MARK1: variants seen among roughly 807,000 people sequenced by gnomAD.
MARK1 encodes microtubule affinity regulating kinase 1.
MARK1 carries 40 observed loss-of-function variants against 96.3 expected under a neutral mutation model. The ratio of observed to expected loss-of-function variants is 0.42; its 90% CI spans 0.32 to 0.54. The LOEUF (loss-of-function observed/expected upper bound fraction) is 0.54, where lower values mean the gene tolerates loss of function less well. Among genes scored for constraint, MARK1 ranks in the 20% least tolerant of loss-of-function variants. The pLI, the probability that MARK1 is intolerant of heterozygous loss-of-function variation, is 0.16. For synonymous variants in MARK1, 317 were observed against 341.2 expected, an observed-to-expected ratio of 0.93 and a Z score of 0.78; for missense variants, 719 against 984.6, an observed-to-expected ratio of 0.73 and a Z score of 3.61.
chr1:220,604,521 G>C (rs571585375), intron 6 of MARK1, among the ~76,000 whole-genome samples: 1 of 151,914 alleles, frequency 6.6e-6, no homozygotes, highest in South Asian at 2.1e-4. Context: ...TGTTTAAAGA[G>C]TTTATTGTAT....
rs1218977744 is a variant in MARK1 at position 220,577,198 on chromosome 1, T to C, written c.52-2156T>C. 6.6e-5 allele frequency among the ~76,000 whole-genome samples: 10 copies of C among 152,188 alleles called. 1 individual carries two copies. In the East Asian group the frequency reaches 1.6e-3, roughly 24 times the overall value. On this transcript the variant is annotated intron_variant, in intron 1 of 17. Coordinates refer to ENST00000366917, the MANE Select transcript of MARK1 (RefSeq NM_018650.5). Reference sequence around the variant, plus strand: ...CAAGAGGCTGAAGTGGGAAGATCACTTGAGGCTGCAGTGAGCAGTGATCGT... The same window carrying C: ...CAAGAGGCTGAAGTGGGAAGATCACCTGAGGCTGCAGTGAGCAGTGATCGT...
At position 220,584,727 on chromosome 1, in the gene MARK1, A is replaced by C. The variant is rs1280835768; in HGVS notation, c.309+3609A>C. ...CAATATTCAGAATTCAATATATTTT[A>C]GCAAATTATCAGAAACCAAACTTGC... On this transcript the variant is annotated intron_variant, in intron 3 of 17. Coordinates refer to ENST00000366917, the MANE Select transcript of MARK1 (RefSeq NM_018650.5). 2.0e-5 allele frequency among the ~76,000 whole-genome samples: 3 copies of C among 152,390 alleles called. No individual in the cohort carries two copies. The East Asian group carries it at 5.8e-4, about 29-fold the overall frequency.
At chr1:220,608,521 A>AT (rs1233133436) in intron 6 of MARK1, among the ~76,000 whole-genome samples, 3 of 151,906 alleles carry the variant, frequency 2.0e-5, no homozygotes, top group Admixed American at 6.6e-5. Context: ...GGATTCATTG[A>AT]TTTTTTTGAA....
At chr1:220,617,598 G>A (rs765226412) in intron 7 of MARK1, among the ~76,000 whole-genome samples, 9 of 152,086 alleles carry the variant, frequency 5.9e-5, no homozygotes, top group Non-Finnish European at 1.2e-4. Flanking sequence ...GTAAAATATT[G>A]TCTTTGAGTG....
At chr1:220,615,441 T>A in intron 6 of MARK1, among the ~76,000 whole-genome samples, 1 of 152,310 alleles carries the variant, frequency 6.6e-6, no homozygotes, top group East Asian at 1.9e-4. Context: ...TAAATATAGA[T>A]ATTGCTAAAT....
intron 9 of MARK1, chr1:220,626,292 C>T (rs758176093): frequency 7.6e-5 from 41 of 539,228 alleles, no homozygotes; most frequent in Non-Finnish European, 1.3e-4. Context: ...TGGAAGAGGC[C>T]TTCTATACCA....
intron 1 of MARK1, among the ~76,000 whole-genome samples, chr1:220,536,730 C>T (rs1430476655): frequency 1.3e-5 from 2 of 152,114 alleles, no homozygotes; most frequent in Non-Finnish European, 2.9e-5. Flanking sequence ...TACAGGTGCA[C>T]ACCACCATGG....
rs148762991 is a variant in MARK1 at position 220,629,392 on chromosome 1, C to T, written c.910-1643C>T. Among the ~76,000 whole-genome samples the T allele has an allele frequency of 3.6e-4, 53 of 147,906 alleles. 1 individual carries two copies. In the East Asian group the frequency reaches 4.8e-3, roughly 13 times the overall value. ...TTGGTGGTGGTGGTGGTAAAAAACA[C>T]GTAACATATATTTACCCTCAACAAC... On this transcript the variant is annotated intron_variant, in intron 9 of 17. Coordinates refer to ENST00000366917, the MANE Select transcript of MARK1 (RefSeq NM_018650.5).
At chr1:220,601,649 A>G (rs904793710) in intron 5 of MARK1, among the ~76,000 whole-genome samples, 1 of 152,220 alleles carries the variant, frequency 6.6e-6, no homozygotes, top group Non-Finnish European at 1.5e-5. Context: ...ATGGGAAATC[A>G]TAGACTGCTA....
At chr1:220,608,093 C>G (rs953135803) in intron 6 of MARK1, among the ~76,000 whole-genome samples, 2 of 152,184 alleles carry the variant, frequency 1.3e-5, no homozygotes, top group Non-Finnish European at 2.9e-5. Context: ...AGGATTCCCT[C>G]TTTTTCTATT....
intron 6 of MARK1, among the ~76,000 whole-genome samples, chr1:220,610,857 C>A (rs965970599): frequency 6.6e-6 from 1 of 152,096 alleles, no homozygotes; most frequent in African/African-American, 2.4e-5. Flanking sequence ...CACTCCAGAC[C>A]CTGTTTGCCT....
chr1:220,620,579 C>T (rs755751825), intron 9 of MARK1, among the ~76,000 whole-genome samples: 3 of 152,026 alleles, frequency 2.0e-5, no homozygotes, highest in Non-Finnish European at 4.4e-5. Flanking sequence ...GTGCTTATGT[C>T]TTAAAGATGA....
intron 1 of MARK1, among the ~76,000 whole-genome samples, chr1:220,569,675 T>G (rs1204969767): frequency 6.6e-6 from 1 of 152,162 alleles, no homozygotes. Flanking sequence ...TTCATTGATA[T>G]GAAGTGCTAA....
chr1:220,535,239 G>C (rs1017346312), intron 1 of MARK1, among the ~76,000 whole-genome samples: 3 of 151,878 alleles, frequency 2.0e-5, no homozygotes, highest in Non-Finnish European at 4.4e-5. Context: ...TTTTTATTTT[G>C]TTTTATGGTT....
In MARK1 at chr1:220,664,050, A is replaced by C. The variant is rs1268606441; in HGVS notation, c.*1884A>C. The C allele has an allele frequency of 6.6e-6, 1 of 152,546 alleles. No individual in the cohort carries two copies. The highest frequency in any genetic ancestry group is 1.5e-5 in the Non-Finnish European group (1 of 68,030). 9.4% of individuals were successfully genotyped at this position (152,546 alleles called of 1,614,324 possible). On this transcript the variant is annotated 3_prime_UTR_variant, in exon 18 of 18. Coordinates refer to ENST00000366917, the MANE Select transcript of MARK1 (RefSeq NM_018650.5). ...TGTGAAGGTTTTCAAGATTATTGAA[A>C]CTATGAAGGTTTCTTGTCATTATGA...
At chr1:220,642,616 A>G (rs1668343401) in intron 13 of MARK1, among the ~76,000 whole-genome samples, 1 of 152,174 alleles carries the variant, frequency 6.6e-6, no homozygotes, top group South Asian at 2.1e-4. Flanking sequence ...CAGCTCCACC[A>G]ATGGGCAGCC....
At chr1:220,570,221 T>G (rs949691332) in intron 1 of MARK1, among the ~76,000 whole-genome samples, 1 of 152,126 alleles carries the variant, frequency 6.6e-6, no homozygotes, top group Non-Finnish European at 1.5e-5. Flanking sequence ...GTGTGGTGTT[T>G]CCTGGGAAGT....
intron 3 of MARK1, among the ~76,000 whole-genome samples, chr1:220,592,219 CATATTATATTATATT>C (rs66795891): frequency 0.011 from 1,548 of 136,512 alleles, 14 homozygotes; most frequent in Middle Eastern, 0.023. Context: ...ATGATTATAT[CATATTATATTATATT>C]ATATTATATT....
At chr1:220,628,916 T>TAAAA (rs202116431) in intron 9 of MARK1, among the ~76,000 whole-genome samples, 1 of 139,976 alleles carries the variant, frequency 7.1e-6, no homozygotes, top group African/African-American at 2.6e-5. Context: ...ACCCTGTCTT[T>TAAAA]AAAAAAAAAA....
Sources: allele counts gnomAD v4.1 joint callset (sites outside exome capture counted in the v4.1 genomes callset), GRCh38; gene constraint gnomAD v4.1.1; transcripts MANE v1.5; gene names NCBI Gene and HGNC (gene_info 2026-07-23, HGNC 2026-07-21).